Variants in TENM1 observed in about 807,000 individuals in gnomAD.
The protein encoded by TENM1 is teneurin-1.
A neutral mutation model predicts 174.8 loss-of-function variants in TENM1; 35 were observed. That is an observed-to-expected ratio of 0.20 (90% CI 0.15 to 0.27). The LOEUF (loss-of-function observed/expected upper bound fraction) is 0.27. Ranked by LOEUF, TENM1 falls within the 10% of genes least tolerant of loss-of-function variation. TENM1 has a pLI of 1.00. For missense variants in TENM1, 1,633 were observed against 2,130.1 expected (o/e 0.77, Z 4.59); for synonymous variants, 781 against 798.7 (o/e 0.98, Z 0.37).
At chrX:125,108,840 T>C in the TENM1 span, among the ~76,000 whole-genome samples, 1 of 110,559 alleles carries the variant, frequency 9.0e-6, no homozygotes, top group East Asian at 2.8e-4. Flanking sequence ...CAATAAATGA[T>C]AATTACAATT....
At chrX:125,179,681 A>G in the TENM1 span, among the ~76,000 whole-genome samples, 1 of 110,742 alleles carries the variant, frequency 9.0e-6, no homozygotes, top group African/African-American at 3.3e-5. Flanking sequence ...TAGTGCCTGG[A>G]CCAGTGGCAT....
At chrX:124,847,315 C>T (rs758021326) in intron 3 of TENM1, among the ~76,000 whole-genome samples, 3 of 111,618 alleles carry the variant, frequency 2.7e-5, no homozygotes, top group Admixed American at 9.5e-5. Context: ...TACTTCTAAA[C>T]GTAAGAAATA....
the TENM1 span, among the ~76,000 whole-genome samples, chrX:125,155,459 C>T: frequency 0.14 from 15,120 of 110,820 alleles, 1,895 homozygotes; most frequent in African/African-American, 0.37. Flanking sequence ...AGTCCCGTGC[C>T]GTGCGCCCAC....
chrX:124,409,917 T>G (rs1275331719), intron 25 of TENM1, among the ~76,000 whole-genome samples: 50 of 110,285 alleles, frequency 4.5e-4, no homozygotes, highest in African/African-American at 1.6e-3. Flanking sequence ...GTAGGAAGAA[T>G]CAATATCGTG....
At chrX:124,490,337 G>A (rs905350796) in intron 20 of TENM1, among the ~76,000 whole-genome samples, 2 of 111,418 alleles carry the variant, frequency 1.8e-5, no homozygotes, top group African/African-American at 3.3e-5. Flanking sequence ...AGTATTTGTA[G>A]CTCCAATGCT....
chrX:125,128,856 C>A, the TENM1 span, among the ~76,000 whole-genome samples: 6 of 111,543 alleles, frequency 5.4e-5, no homozygotes. Context: ...CATTATTGTG[C>A]TGATGCTGTT....
chrX:124,684,086 A>G (rs1041829891), intron 5 of TENM1, among the ~76,000 whole-genome samples: 2 of 112,282 alleles, frequency 1.8e-5, no homozygotes, highest in African/African-American at 6.5e-5. Flanking sequence ...AGACATCAAT[A>G]GGCAATTCAC....
intron 22 of TENM1, among the ~76,000 whole-genome samples, chrX:124,478,048 A>G (rs1285091002): frequency 3.6e-5 from 4 of 112,359 alleles, no homozygotes; most frequent in Non-Finnish European, 5.6e-5. Context: ...GGCACACAGT[A>G]GGCACTGAAC....
chrX:124,650,417 CAG>C (rs1175007570), intron 8 of TENM1, among the ~76,000 whole-genome samples: 1 of 110,576 alleles, frequency 9.0e-6, no homozygotes, highest in Non-Finnish European at 1.9e-5. Flanking sequence ...ATGAAACTGA[CAG>C]CTTGATATGT....
At chrX:125,089,469 A>T in the TENM1 span, among the ~76,000 whole-genome samples, 16 of 112,102 alleles carry the variant, frequency 1.4e-4, no homozygotes, top group Non-Finnish European at 2.8e-4. Flanking sequence ...GGTATAGTAA[A>T]CATATTTCTC....
chrX:124,669,047 A>C (rs1381406954), intron 6 of TENM1, among the ~76,000 whole-genome samples: 1 of 112,119 alleles, frequency 8.9e-6, no homozygotes, highest in Admixed American at 9.4e-5. Context: ...AATGAAGTTC[A>C]AAAACCTCAA....
At chrX:124,694,236 TCAAA>T (rs1201856442) in intron 5 of TENM1, among the ~76,000 whole-genome samples, 4 of 111,506 alleles carry the variant, frequency 3.6e-5, no homozygotes, top group Admixed American at 9.5e-5. Flanking sequence ...CTGAGATTGT[TCAAA>T]CAGTTTTTTA....
chrX:124,994,529 T>C, the TENM1 span, among the ~76,000 whole-genome samples: 861 of 110,695 alleles, frequency 7.8e-3, 14 homozygotes, highest in African/African-American at 0.027. Flanking sequence ...TCATGACCTC[T>C]GTTACCCTCC....
chrX:124,664,677 G>A (rs1269978377), intron 6 of TENM1, among the ~76,000 whole-genome samples: 5 of 84,536 alleles, frequency 5.9e-5, no homozygotes, highest in Non-Finnish European at 1.1e-4. Context: ...GAGTACTTGT[G>A]GGGTGTGTGT....
intron 23 of TENM1, among the ~76,000 whole-genome samples, chrX:124,449,272 A>G (rs1284384627): frequency 1.8e-5 from 2 of 111,841 alleles, no homozygotes; most frequent in Non-Finnish European, 3.8e-5. Context: ...TGAGGCTTGG[A>G]ATGAAATGCC....
At chrX:124,705,952 A>G (rs2148495626) in intron 4 of TENM1, among the ~76,000 whole-genome samples, 1 of 111,564 alleles carries the variant, frequency 9.0e-6, no homozygotes, top group Admixed American at 9.5e-5. Flanking sequence ...TGTCACCAGG[A>G]TGGAGTGCAA....
rs924688042 is a variant in TENM1, at chrX:124,525,917, T to C, written c.2772-2292A>G. ...ACATTTCTTCTCAAATCAGATTCATTGCCCTACTACATTTGCCATATGTTT... is the reference window on the plus strand; with the variant it reads ...ACATTTCTTCTCAAATCAGATTCATCGCCCTACTACATTTGCCATATGTTT... On this transcript the variant is annotated intron_variant, in intron 16 of 31. Coordinates refer to ENST00000422452, the Ensembl canonical transcript of TENM1. Among the ~76,000 whole-genome samples, 3 of 112,459 alleles carry C rather than the reference T, an allele frequency of 2.7e-5. No homozygotes were observed. In the Admixed American group the frequency reaches 2.8e-4, roughly 11 times the overall value.
the TENM1 span, among the ~76,000 whole-genome samples, chrX:125,199,999 A>G: frequency 9.0e-6 from 1 of 111,402 alleles, no homozygotes; most frequent in Non-Finnish European, 1.9e-5. Flanking sequence ...AAATTGCCAT[A>G]ACAGAGCACC....
intron 3 of TENM1, among the ~76,000 whole-genome samples, chrX:124,825,731 G>A (rs1477510748): frequency 1.8e-5 from 2 of 111,549 alleles, no homozygotes; most frequent in African/African-American, 6.5e-5. Flanking sequence ...AACATGCATC[G>A]ATACTTAATA....
Sources: gnomAD v4.1 joint callset for allele counts (sites outside exome capture counted in the v4.1 genomes callset) on GRCh38, gnomAD v4.1.1 for gene constraint, MANE v1.5 for transcripts, NCBI Gene and HGNC (gene_info 2026-07-23, HGNC 2026-07-21) for gene names.